The following ACTR10 variants were observed in gnomAD, a reference collection of about 807,000 sequenced individuals.
ACTR10 encodes actin-related protein 10.
A neutral mutation model predicts 56.2 loss-of-function variants in ACTR10; 43 were observed. The observed-to-expected ratio is 0.77, with a 90% CI of 0.60 to 0.99. The LOEUF (loss-of-function observed/expected upper bound fraction) is 0.99, where lower values mean the gene tolerates loss of function less well. Among genes scored for constraint, ACTR10 ranks in the 50% least tolerant of loss-of-function variants. The pLI, the probability that ACTR10 is intolerant of heterozygous loss-of-function variation, is 0.00. For synonymous variants in ACTR10, 170 were observed against 176.3 expected (o/e 0.96, Z 0.28); for missense variants, 466 against 507.8 (o/e 0.92, Z 0.79).
chr14:58,215,346 T>C, intron 7 of ACTR10, 62 bp downstream of exon 7: 1 of 1,076,858 alleles, frequency 9.3e-7, no homozygotes, highest in Non-Finnish European at 1.4e-6. Context: ...TCAACTTGTA[T>C]TTTAGTCTTT....
Position 58,232,284 on chromosome 14 carries a change from T to G in ACTR10, c.1072+17T>G. The G allele has an allele frequency of 6.3e-7, 1 of 1,593,934 alleles. No homozygotes were observed. The highest frequency in any genetic ancestry group is 8.6e-7 in the Non-Finnish European group (1 of 1,164,658). On this transcript the variant is annotated intron_variant, in intron 12 of 12. Coordinates refer to ENST00000254286, the MANE Select transcript of ACTR10 (RefSeq NM_018477.3). ...GGTTGGGAGGTAAGAATTTCACTTT[T>G]AAAATATAATGATTATATAGTATTT...
In ACTR10 at chr14:58,200,152, C is replaced by G. The variant is rs1888667017; in HGVS notation, c.-66C>G. On this transcript the variant is annotated 5_prime_UTR_variant, in exon 1 of 13. Transcript: ENST00000254286. Reference sequence around the variant, plus strand: ...CGAGCGCCGGAGCCCCGGCCCCGCCCCGCGAGCGCCGAGACTTGTTGGCCG... The same window carrying G: ...CGAGCGCCGGAGCCCCGGCCCCGCCGCGCGAGCGCCGAGACTTGTTGGCCG... The G allele has an allele frequency of 8.0e-7, 1 of 1,248,856 alleles. No individual in the cohort carries two copies. The highest frequency in any genetic ancestry group is 1.0e-6 in the Non-Finnish European group (1 of 971,872). 77.4% of individuals were successfully genotyped at this position (1,248,856 alleles called of 1,614,324 possible).
intron 7 of ACTR10, among the ~76,000 whole-genome samples, chr14:58,216,437 A>G (rs1388396042): frequency 2.0e-5 from 3 of 152,136 alleles, no homozygotes; most frequent in Non-Finnish European, 2.9e-5. Flanking sequence ...CCAATTTTTC[A>G]CAAAATAAAT....
At chr14:58,227,257 G>A (rs1677483066) in intron 10 of ACTR10, among the ~76,000 whole-genome samples, 2 of 151,618 alleles carry the variant, frequency 1.3e-5, no homozygotes, top group Admixed American at 6.6e-5. Context: ...TTGGCTGGGC[G>A]TGGTGGCTCA....
chr14:58,214,594 G>A (rs1889086889), intron 6 of ACTR10, among the ~76,000 whole-genome samples: 1 of 151,294 alleles, frequency 6.6e-6, no homozygotes, highest in Non-Finnish European at 1.5e-5. Flanking sequence ...GGTTTCAAGC[G>A]ATTCTCCTAC....
intron 12 of ACTR10, among the ~76,000 whole-genome samples, chr14:58,233,017 C>T (rs1889584088): frequency 1.3e-5 from 2 of 151,624 alleles, no homozygotes; most frequent in South Asian, 4.2e-4. Context: ...ATTATAGGCG[C>T]CCGCCACCAC....
chr14:58,213,310 C>T (rs961521205), intron 5 of ACTR10: 5 of 200,728 alleles, frequency 2.5e-5, no homozygotes, highest in African/African-American at 6.9e-5. Context: ...GTAGCTTAGT[C>T]TTAGAGCACA....
Position 58,209,052 on chromosome 14 carries a change from T to C in ACTR10, c.287T>C (p.Leu96Ser). 1 of 1,612,238 alleles carries C rather than the reference T, an allele frequency of 6.2e-7. No homozygotes were observed. The highest frequency in any genetic ancestry group is 2.2e-5 in the East Asian group (1 of 44,748). The part of the protein sequence containing the change: ...DRRVVIIESV[L>S]CPSHFRETLT... The stretch of plus-strand genomic sequence containing the variant: ...CGAGTTGTGATTATCGAATCGGTAT[T>C]ATGTCCTTCTCACTTCAGAGAGACA... The change falls in exon 4 of 13, where the codon TTA becomes TCA. Residue 96 changes from leucine to serine, a missense_variant. Physicochemically the swap from Leu to Ser is moderately radical, Grantham distance 145. Coordinates refer to ENST00000254286, the MANE Select transcript of ACTR10 (RefSeq NM_018477.3).
At chr14:58,232,635 C>T (rs1951203) in intron 12 of ACTR10, among the ~76,000 whole-genome samples, 59,962 of 151,132 alleles carry the variant, frequency 0.4, 12,525 homozygotes, top group Non-Finnish European at 0.48. Context: ...AGGATGGTCT[C>T]GATCTCTTGA....
At chr14:58,233,168 T>C (rs2347934) in intron 12 of ACTR10, among the ~76,000 whole-genome samples, 60,212 of 151,950 alleles carry the variant, frequency 0.4, 12,587 homozygotes, top group Non-Finnish European at 0.48. Context: ...CCACCGCCCC[T>C]GGCTTACCAT....
At chr14:58,201,060 A>G (rs1003045586) in intron 1 of ACTR10, among the ~76,000 whole-genome samples, 1 of 152,244 alleles carries the variant, frequency 6.6e-6, no homozygotes, top group African/African-American at 2.4e-5. Flanking sequence ...GAGGGAAGTA[A>G]CAGGCAATTA....
At chr14:58,202,538 C>T (rs910258173) in intron 1 of ACTR10, among the ~76,000 whole-genome samples, 23 of 150,236 alleles carry the variant, frequency 1.5e-4, no homozygotes. Context: ...GAGCCGAGAT[C>T]GCGCCACTGC....
chr14:58,208,492 C>A (rs889198964), intron 3 of ACTR10, among the ~76,000 whole-genome samples: 4 of 152,032 alleles, frequency 2.6e-5, no homozygotes, highest in African/African-American at 9.7e-5. Flanking sequence ...GGTTCTTGTA[C>A]TTTGCAAGTT....
intron 10 of ACTR10, among the ~76,000 whole-genome samples, chr14:58,228,624 T>C (rs1310794558): frequency 6.8e-6 from 1 of 146,076 alleles, no homozygotes; most frequent in East Asian, 2.0e-4. Context: ...GTCCGACATA[T>C]TACTTTTGCC....
At chr14:58,206,915 T>C (rs1888879083) in intron 2 of ACTR10, 1 of 152,162 alleles carries the variant, frequency 6.6e-6, no homozygotes, top group Non-Finnish European at 1.5e-5. Context: ...AGTAATTCAG[T>C]GTGGCGATGT....
chr14:58,218,671 C>T (rs1397650123), intron 7 of ACTR10, among the ~76,000 whole-genome samples: 1 of 151,836 alleles, frequency 6.6e-6, no homozygotes, highest in East Asian at 1.9e-4. Context: ...TAGTTGACAA[C>T]AAATGTAGAT....
chr14:58,205,077 G>A (rs548624189), intron 2 of ACTR10, among the ~76,000 whole-genome samples: 2 of 151,670 alleles, frequency 1.3e-5, no homozygotes, highest in South Asian at 2.1e-4. Context: ...AAAATTAGCC[G>A]GGCATGGTGG....
Position 58,200,152 on chromosome 14 carries a change from C to T in ACTR10, c.-66C>T. The T allele has an allele frequency of 2.4e-6, 3 of 1,248,970 alleles. No homozygotes were observed. The highest frequency in any genetic ancestry group is 6.2e-5 in the Admixed American group (2 of 32,112). The allele number at this position is 1,248,970 out of a possible 1,614,324, so 77.4% of individuals were successfully genotyped here. A position where few individuals can be genotyped will look rare whatever the true frequency, so the allele number is the denominator to read the frequency against. ...CGAGCGCCGGAGCCCCGGCCCCGCC[C>T]CGCGAGCGCCGAGACTTGTTGGCCG... On this transcript the variant is annotated 5_prime_UTR_variant, in exon 1 of 13. Coordinates refer to ENST00000254286, the MANE Select transcript of ACTR10 (RefSeq NM_018477.3).
rs748955462 is a variant in ACTR10 at position 58,211,361 on chromosome 14, G to T, written c.412G>T (p.Val138Phe). The change falls in exon 5 of 13, where the codon GTC (valine) becomes TTC (phenylalanine). Residue 138 changes from valine (V) to phenylalanine (F), a missense_variant. By Grantham distance (50) the Val-to-Phe change is conservative. Transcript: ENST00000254286. ...GACGCTTGGAATTAATTCTGCCATG[G>T]TCCTAGATTGTGGATATAGGGAAAG... ...LLTLGINSAMVLDCGYRESLV... is the reference protein window; with the variant it reads ...LLTLGINSAMFLDCGYRESLV... The T allele has an allele frequency of 1.9e-6, 3 of 1,613,748 alleles. No individual in the cohort carries two copies. In the East Asian group the frequency reaches 6.7e-5, roughly 36 times the overall value.
Sources: allele counts gnomAD v4.1 joint callset (sites outside exome capture counted in the v4.1 genomes callset), GRCh38; gene constraint gnomAD v4.1.1; transcripts MANE v1.5; gene names NCBI Gene and HGNC (gene_info 2026-07-23, HGNC 2026-07-21).